ABI3BP: variants seen among roughly 807,000 people sequenced by gnomAD.
ABI3BP encodes the protein ABI family member 3 binding protein.
A neutral mutation model predicts 268.6 loss-of-function variants in ABI3BP; 216 were observed. The observed-to-expected ratio is 0.80, with a 90% CI of 0.72 to 0.90. The LOEUF (loss-of-function observed/expected upper bound fraction) is 0.90. Among genes scored for constraint, ABI3BP ranks in the 40% least tolerant of loss-of-function variants. The pLI, the probability that ABI3BP is intolerant of heterozygous loss-of-function variation, is 0.00. For missense variants in ABI3BP, 2,090 were observed against 2,182.4 expected, an observed-to-expected ratio of 0.96 and a Z score of 0.84; for synonymous variants, 730 against 730.0, an observed-to-expected ratio of 1.00 and a Z score of 0.00.
At chr3:100,909,025 A>C (rs1045684227) in intron 2 of ABI3BP, among the ~76,000 whole-genome samples, 2 of 152,196 alleles carry the variant, frequency 1.3e-5, no homozygotes, top group African/African-American at 4.8e-5. Flanking sequence ...AGGCTACATT[A>C]ACCAAAACAG....
At chr3:100,909,774 T>C (rs902029496) in intron 2 of ABI3BP, among the ~76,000 whole-genome samples, 4 of 152,126 alleles carry the variant, frequency 2.6e-5, no homozygotes, top group African/African-American at 9.7e-5. Flanking sequence ...AAACAACAGA[T>C]GCTGAGAGGA....
intron 19 of ABI3BP, among the ~76,000 whole-genome samples, chr3:100,846,862 G>A (rs894645646): frequency 3.3e-5 from 5 of 152,162 alleles, no homozygotes; most frequent in Admixed American, 6.6e-5. Flanking sequence ...ACTGACGTAT[G>A]TGCAGGATGT....
Position 100,772,984 on chromosome 3 carries a change from A to C in ABI3BP, c.4531+1621T>G, listed in dbSNP as rs370997343. Among the ~76,000 whole-genome samples, 479 of 151,460 alleles carry C rather than the reference A, an allele frequency of 3.2e-3. 2 individuals carry two copies. The highest frequency in any genetic ancestry group is 0.011 in the African/African-American group (451 of 41,296). On this transcript the variant is annotated intron_variant, in intron 61 of 67. Coordinates refer to ENST00000471714, the MANE Select transcript of ABI3BP (RefSeq NM_001375547.2). Reference sequence around the variant, plus strand: ...CTCAGCTGCTTGGGGAGGCTGAGGCAGGAAAATCACTTGAACCCAGGAAGC... The same window carrying C: ...CTCAGCTGCTTGGGGAGGCTGAGGCCGGAAAATCACTTGAACCCAGGAAGC...
At chr3:100,868,171 T>A (rs571140899) in intron 9 of ABI3BP, among the ~76,000 whole-genome samples, 15 of 152,338 alleles carry the variant, frequency 9.8e-5, no homozygotes, top group African/African-American at 3.4e-4. Context: ...GTCCTAAGGC[T>A]ATACAGAACT....
At chr3:100,983,222 GAAGA>G (rs1387145508) in intron 1 of ABI3BP, among the ~76,000 whole-genome samples, 1 of 152,194 alleles carries the variant, frequency 6.6e-6, no homozygotes, top group Non-Finnish European at 1.5e-5. Context: ...ACTACTCAGA[GAAGA>G]GAGAACTTCC....
intron 2 of ABI3BP, chr3:100,911,718 C>A: frequency 1.2e-6 from 1 of 808,528 alleles, no homozygotes; most frequent in Middle Eastern, 2.9e-4. Flanking sequence ...GTGAAAAAGT[C>A]CTCTTTGAGG....
At chr3:100,926,182 C>T (rs2061749609) in intron 2 of ABI3BP, 120 bp downstream of exon 2, 3 of 992,248 alleles carry the variant, frequency 3.0e-6, no homozygotes, top group East Asian at 5.1e-5. Flanking sequence ...TGTAATTCTA[C>T]CATTTGATTA....
intron 21 of ABI3BP, among the ~76,000 whole-genome samples, chr3:100,841,194 C>CTTTTTTTTTTTTTTTTTTTTTTTT (rs60261694): frequency 5.0e-5 from 2 of 39,606 alleles, no homozygotes; most frequent in Non-Finnish European, 8.6e-5. Context: ...CATTAGAACA[C>CTTTTTTTTTTTTTTTTTTTTTTTT]TTTTTTTTTT....
intron 1 of ABI3BP, among the ~76,000 whole-genome samples, chr3:100,970,106 A>C (rs993400127): frequency 2.0e-5 from 3 of 152,296 alleles, no homozygotes; most frequent in South Asian, 2.1e-4. Context: ...TCACAGGCCT[A>C]GATGGCCTGT....
chr3:100,963,837 C>A (rs944360133), intron 1 of ABI3BP, among the ~76,000 whole-genome samples: 1 of 152,158 alleles, frequency 6.6e-6, no homozygotes, highest in African/African-American at 2.4e-5. Flanking sequence ...ATTCACTAAC[C>A]AGCCCTGAAA....
intron 63 of ABI3BP, among the ~76,000 whole-genome samples, chr3:100,760,862 G>A (rs2095896968): frequency 6.6e-6 from 1 of 152,102 alleles, no homozygotes; most frequent in Non-Finnish European, 1.5e-5. Context: ...GTGTTCTTGG[G>A]TAATTGTATG....
chr3:100,980,029 T>C (rs977414593), intron 1 of ABI3BP, among the ~76,000 whole-genome samples: 2 of 152,196 alleles, frequency 1.3e-5, no homozygotes, highest in African/African-American at 4.8e-5. Context: ...GTAATATCAA[T>C]ATTTAAAATT....
At chr3:100,861,138 G>A (rs1003443960) in intron 14 of ABI3BP, among the ~76,000 whole-genome samples, 2 of 152,166 alleles carry the variant, frequency 1.3e-5, no homozygotes, top group Non-Finnish European at 2.9e-5. Flanking sequence ...CTTAGATACA[G>A]TTTGAGGCTT....
chr3:100,837,189 AAC>A lies in ABI3BP; in HGVS notation c.2084-20_2084-19del. The A allele has an allele frequency of 6.5e-7, 1 of 1,530,514 alleles. No individual in the cohort carries two copies. 94.8% of individuals were successfully genotyped at this position (1,530,514 alleles called of 1,614,324 possible). A position where few individuals can be genotyped will look rare whatever the true frequency, so the allele number is the denominator to read the frequency against. ...CTCAGAGACTGCATCATAAAAAATA[AAC>A]AGATATAAGTAATAAAAGCAAGGAA... On this transcript the variant is annotated intron_variant, in intron 26 of 67. Transcript: ENST00000471714.
At position 100,767,221 on chromosome 3, in the gene ABI3BP, G is replaced by A. The variant is rs150244932; in HGVS notation, c.4742-1272C>T. Among the ~76,000 whole-genome samples the A allele has an allele frequency of 3.4e-3, 517 of 152,260 alleles. 4 individuals carry two copies. The highest frequency in any genetic ancestry group is 5.0e-3 in the Non-Finnish European group (339 of 68,022). ...TCTCAAAAGTGTTGGGATTACAGGC[G>A]TGAGCCACTGCGCCCAGCCTTAGGA... On this transcript the variant is annotated intron_variant, in intron 62 of 67. Coordinates refer to ENST00000471714, the MANE Select transcript of ABI3BP (RefSeq NM_001375547.2).
At chr3:100,910,008 T>C (rs2055545562) in intron 2 of ABI3BP, among the ~76,000 whole-genome samples, 1 of 152,142 alleles carries the variant, frequency 6.6e-6, no homozygotes, top group Non-Finnish European at 1.5e-5. Context: ...AGCAAAGACT[T>C]GGAAGCAACC....
chr3:100,844,709 C>A (rs1040077154), intron 20 of ABI3BP, among the ~76,000 whole-genome samples: 2 of 151,850 alleles, frequency 1.3e-5, no homozygotes, highest in African/African-American at 4.8e-5. Context: ...TGCTATGGAC[C>A]ATTCAAGGTC....
At chr3:100,857,472 T>C (rs1170062228) in intron 14 of ABI3BP, among the ~76,000 whole-genome samples, 5 of 152,204 alleles carry the variant, frequency 3.3e-5, no homozygotes, top group Admixed American at 6.5e-5. Flanking sequence ...TTAACCTAGC[T>C]CTATCCCACC....
intron 1 of ABI3BP, among the ~76,000 whole-genome samples, chr3:100,940,786 C>CTA (rs1167503911): frequency 4.9e-4 from 5 of 10,142 alleles, no homozygotes; most frequent in African/African-American, 1.2e-3. Context: ...AATTACTTCA[C>CTA]TATATATATA....
Sources: allele counts gnomAD v4.1 joint callset (sites outside exome capture counted in the v4.1 genomes callset), GRCh38; gene constraint gnomAD v4.1.1; transcripts MANE v1.5; gene names NCBI Gene and HGNC (gene_info 2026-07-23, HGNC 2026-07-21).